The following HELB variants were observed in gnomAD, a reference collection of about 807,000 sequenced individuals.
HELB encodes the protein DNA helicase B.
A neutral mutation model predicts 101.7 loss-of-function variants in HELB; 96 were observed. The observed-to-expected ratio is 0.94, with a 90% CI of 0.80 to 1.12. HELB has a LOEUF of 1.12. Among genes scored for constraint, HELB ranks in the 50% most tolerant of loss-of-function variants. The probability of loss-of-function intolerance (pLI) is 0.00; values close to 1 mark genes in which losing one functional copy is unlikely to be tolerated. For missense variants in HELB, 1,210 were observed against 1,291.9 expected, an observed-to-expected ratio of 0.94 and a Z score of 0.97; for synonymous variants, 437 against 459.7, an observed-to-expected ratio of 0.95 and a Z score of 0.63.
chr12:66,336,617 G>T lies in HELB; in HGVS notation c.3163-1384G>T, dbSNP rs76106212. 2.6e-4 allele frequency among the ~76,000 whole-genome samples: 39 copies of T among 152,280 alleles called. No homozygotes were observed. The East Asian group carries it at 7.3e-3, about 29-fold the overall frequency. On this transcript the variant is annotated intron_variant, in intron 12 of 12. Coordinates refer to ENST00000247815, the MANE Select transcript of HELB (RefSeq NM_001370285.1). ...TAAATGGGGAATACTTATATCCTCT[G>T]TCCCCATATGGATATGGCACAGGGA...
At chr12:66,314,738 T>C (rs185705068) in intron 5 of HELB, among the ~76,000 whole-genome samples, 120 of 152,262 alleles carry the variant, frequency 7.9e-4, no homozygotes, top group Non-Finnish European at 1.6e-3. Flanking sequence ...TATTAATGGC[T>C]TAAGCCTTCT....
downstream of HELB, chr12:66,342,702 CT>C (rs34430491): frequency 8.2e-5 from 12 of 146,858 alleles, no homozygotes; most frequent in Non-Finnish European, 1.3e-4. Flanking sequence ...TTTTCTTTTT[CT>C]TTTTTTTTTG....
At chr12:66,320,167 G>A (rs1474875756) in intron 7 of HELB, among the ~76,000 whole-genome samples, 2 of 151,690 alleles carry the variant, frequency 1.3e-5, no homozygotes, top group East Asian at 1.9e-4. Flanking sequence ...AGATTGTGGG[G>A]GCCAATGATT....
Position 66,304,874 on chromosome 12 carries a change from TCTTA to T in HELB, c.335_338del (p.Tyr112PhefsTer33), listed in dbSNP as rs750000009. On this transcript the variant is annotated frameshift_variant, in exon 2 of 13. Transcript: ENST00000247815. LOFTEE classifies it high-confidence loss of function. The stretch of plus-strand genomic sequence containing the variant: ...TCAATATCAAGTTCAAGGATTTCCG[TCTTA>T]CTTTTTGCAGTCTGATATGTCACCA... 4.3e-6 allele frequency: 7 copies of T among 1,614,166 alleles called. No individual in the cohort carries two copies. The highest frequency in any genetic ancestry group is 5.1e-6 in the Non-Finnish European group (6 of 1,180,012).
At chr12:66,321,904 AT>A in intron 7 of HELB, 43 bp from the exon 8 acceptor site, 1 of 735,092 alleles carries the variant, frequency 1.4e-6, no homozygotes, top group East Asian at 2.8e-5. Flanking sequence ...TTGTGTTATA[AT>A]TTGGTGATTT....
rs2053686033 is a variant in HELB, at chr12:66,322,768, C to T, written c.2282C>T (p.Thr761Ile). The change falls in exon 9 of 13, where the codon ACA becomes ATA. Residue 761 changes from threonine (T) to isoleucine (I), a missense_variant. Coordinates refer to ENST00000247815, the MANE Select transcript of HELB (RefSeq NM_001370285.1). Reference sequence around the variant, plus strand: ...AATGACTGCTGCTGCAAACACTACACAGGCCACCTCACCAAGTGAGTGTCT... The same window carrying T: ...AATGACTGCTGCTGCAAACACTACATAGGCCACCTCACCAAGTGAGTGTCT... ...LINDCCCKHY[T>I]GHLTKDHQSR... The T allele has an allele frequency of 1.9e-6, 3 of 1,608,074 alleles. No homozygotes were observed. The highest frequency in any genetic ancestry group is 2.6e-6 in the Non-Finnish European group (3 of 1,176,326).
At chr12:66,316,092 A>G (rs1443358142) in intron 6 of HELB, among the ~76,000 whole-genome samples, 1 of 152,230 alleles carries the variant, frequency 6.6e-6, no homozygotes, top group African/African-American at 2.4e-5. Flanking sequence ...ATATGTTTAC[A>G]TACACACAAA....
rs773103209 is a variant in HELB, at chr12:66,304,755, A to G, written c.212A>G (p.Gln71Arg). The G allele has an allele frequency of 8.7e-6, 14 of 1,608,664 alleles. No individual in the cohort carries two copies. The South Asian group carries it at 1.1e-4, about 13-fold the overall frequency. The change falls in exon 2 of 13, where the codon CAA (glutamine) becomes CGA (arginine). Residue 71 changes from glutamine to arginine, a missense_variant. Around this residue, in one of 2 missense-constraint regions of HELB, gnomAD observed 470 missense variants for 563.1 expected, o/e 0.83. Transcript: ENST00000247815. ...GTTTCTATTTGTGATGAAAACACAC[A>G]AGAGACATGTAAAGTGTTTGGACGT... ...LRVSICDENT[Q>R]ETCKVFGRFP... is the part of the protein sequence containing the mutation.
At chr12:66,329,352 C>T (rs1411641996) in intron 11 of HELB, among the ~76,000 whole-genome samples, 2 of 152,164 alleles carry the variant, frequency 1.3e-5, no homozygotes, top group African/African-American at 4.8e-5. Flanking sequence ...GCTCTGCCTT[C>T]ATGGAGCTTC....
chr12:66,341,241 G>A (rs1565647509), downstream of HELB: 1 of 152,306 alleles, frequency 6.6e-6, no homozygotes, highest in Non-Finnish European at 1.5e-5. Flanking sequence ...TCCAAGGGCA[G>A]AAGGAGAGGA....
At chr12:66,326,744 A>G (rs984554818) in intron 11 of HELB, among the ~76,000 whole-genome samples, 3 of 151,134 alleles carry the variant, frequency 2.0e-5, no homozygotes, top group Non-Finnish European at 4.4e-5. Context: ...TTTAAAGGTA[A>G]AAAAGGGTCT....
chr12:66,303,569 G>T (rs1400811792), intron 1 of HELB, among the ~76,000 whole-genome samples: 1 of 152,120 alleles, frequency 6.6e-6, no homozygotes, highest in African/African-American at 2.4e-5. Context: ...GGAGGTGGGG[G>T]TTGCAGTGAG....
At chr12:66,339,114 A>G (rs1286129778), downstream of HELB, 1 of 152,226 alleles carries the variant, frequency 6.6e-6, no homozygotes, top group African/African-American at 2.4e-5. Context: ...AGTTATTTAT[A>G]TCCCACTGCT....
At chr12:66,316,188 CTATAT>C (rs1187069189) in intron 6 of HELB, among the ~76,000 whole-genome samples, 4 of 152,096 alleles carry the variant, frequency 2.6e-5, no homozygotes, top group Admixed American at 6.5e-5. Context: ...ATAGGCTGTA[CTATAT>C]AGCCTAGATG....
At chr12:66,323,787 A>G (rs1320949777) in intron 9 of HELB, among the ~76,000 whole-genome samples, 196 bp from the exon 10 acceptor site, 3 of 152,226 alleles carry the variant, frequency 2.0e-5, no homozygotes, top group Non-Finnish European at 2.9e-5. Flanking sequence ...GAGACGTTGC[A>G]GGGAGTATGT....
At chr12:66,325,637 T>C (rs2053728326) in intron 11 of HELB, among the ~76,000 whole-genome samples, 2 of 152,216 alleles carry the variant, frequency 1.3e-5, no homozygotes, top group Admixed American at 1.3e-4. Flanking sequence ...ATTTGGTATA[T>C]ATCACTCCTA....
At position 66,310,394 on chromosome 12, in the gene HELB, T is replaced by G. The variant is rs1255452502; in HGVS notation, c.1466T>G (p.Phe489Cys). The G allele has an allele frequency of 1.2e-6, 2 of 1,614,046 alleles. No homozygotes were observed. Among genetic ancestry groups the G allele is most frequent in the Non-Finnish European group, 8.5e-7 (1 of 1,180,042 alleles). ...AAGACCACAATCGTTAGCCGTCTTT[T>G]TAAGCATATAGAGCAGTTGGAAGAA... ...CGKTTIVSRL[F>C]KHIEQLEERE... The change falls in exon 4 of 13, where the codon TTT (phenylalanine) becomes TGT (cysteine). Residue 489 changes from phenylalanine to cysteine, a missense_variant. By Grantham distance (205) the Phe-to-Cys change is radical. Coordinates refer to ENST00000247815, the MANE Select transcript of HELB (RefSeq NM_001370285.1).
chr12:66,324,635 A>T, intron 10 of HELB: 1 of 286,776 alleles, frequency 3.5e-6, no homozygotes. Flanking sequence ...AGATACCCTC[A>T]CTGAAAGCTG....
At chr12:66,305,256 G>A (rs768861409) in intron 2 of HELB, 106 bp downstream of exon 2, 3 of 743,904 alleles carry the variant, frequency 4.0e-6, no homozygotes, top group Non-Finnish European at 6.4e-6. Context: ...AAATCCATTT[G>A]GTGAAAAATG....
Sources: allele counts gnomAD v4.1 joint callset (sites outside exome capture counted in the v4.1 genomes callset), GRCh38; gene constraint gnomAD v4.1.1; regional missense constraint gnomAD v4.1.1; transcripts MANE v1.5; gene names NCBI Gene and HGNC (gene_info 2026-07-23, HGNC 2026-07-21).